DPP6: variants seen among roughly 807,000 people sequenced by gnomAD.
DPP6 encodes dipeptidyl peptidase like 6.
DPP6 carries 69 observed loss-of-function variants against 122.6 expected under a neutral mutation model. The ratio of observed to expected loss-of-function variants is 0.56; its 90% CI spans 0.46 to 0.69. DPP6 has a LOEUF of 0.69. Among genes scored for constraint, DPP6 ranks in the 30% least tolerant of loss-of-function variants. The pLI is 0.00. For synonymous variants in DPP6, 418 were observed against 433.1 expected (o/e 0.97, Z 0.43); for missense variants, 928 against 1,116.9 (o/e 0.83, Z 2.41).
At chr7:154,740,693 T>G (rs1842777389) in intron 8 of DPP6, among the ~76,000 whole-genome samples, 1 of 152,220 alleles carries the variant, frequency 6.6e-6, no homozygotes, top group African/African-American at 2.4e-5. Flanking sequence ...TTCTCGGTTT[T>G]ACTTAGTAAA....
At chr7:154,702,687 T>C (rs575268104) in intron 7 of DPP6, among the ~76,000 whole-genome samples, 2 of 152,178 alleles carry the variant, frequency 1.3e-5, no homozygotes, top group Non-Finnish European at 2.9e-5. Flanking sequence ...CAGAGGGTGG[T>C]TCATGAGGCT....
At chr7:153,753,420 T>A in the DPP6 span, among the ~76,000 whole-genome samples, 17 of 152,180 alleles carry the variant, frequency 1.1e-4, no homozygotes, top group East Asian at 3.3e-3. Flanking sequence ...TTAGGATCAA[T>A]ATAACAGATT....
chr7:154,605,160 T>G (rs1833548433), intron 5 of DPP6, among the ~76,000 whole-genome samples: 1 of 120,126 alleles, frequency 8.3e-6, no homozygotes, highest in African/African-American at 2.6e-5. Flanking sequence ...TTGTTCCTTT[T>G]TGTTTAATCT....
At chr7:154,708,823 G>A (rs952839838) in intron 7 of DPP6, among the ~76,000 whole-genome samples, 11 of 152,132 alleles carry the variant, frequency 7.2e-5, no homozygotes, top group Admixed American at 4.6e-4. Flanking sequence ...AGAGACAGAC[G>A]GAATACCTGA....
At chr7:154,203,484 G>A (rs1435830037) in intron 1 of DPP6, among the ~76,000 whole-genome samples, 5 of 152,130 alleles carry the variant, frequency 3.3e-5, no homozygotes, top group Non-Finnish European at 5.9e-5. Flanking sequence ...CTGTGCTTAC[G>A]GACTGGGCTC....
chr7:154,043,226 C>T (rs985628959), intron 1 of DPP6, among the ~76,000 whole-genome samples: 1 of 151,630 alleles, frequency 6.6e-6, no homozygotes, highest in Non-Finnish European at 1.5e-5. Flanking sequence ...CGTCTCTACC[C>T]CAGCTAAAAA....
chr7:154,806,886 G>A, intron 15 of DPP6, 108 bp from the exon 16 acceptor site: 1 of 1,450,230 alleles, frequency 6.9e-7, no homozygotes, highest in South Asian at 1.4e-5. Flanking sequence ...GTCTGTAGCA[G>A]GGCTCCGCAG....
chr7:153,973,632 C>CGT (rs773321136), intron 1 of DPP6, among the ~76,000 whole-genome samples: 4,638 of 113,358 alleles, frequency 0.041, 163 homozygotes, highest in East Asian at 0.14. Context: ...CACCATCGCT[C>CGT]GTGTGTGTGT....
At chr7:154,436,732 G>A (rs961169500) in intron 1 of DPP6, among the ~76,000 whole-genome samples, 1 of 152,096 alleles carries the variant, frequency 6.6e-6, no homozygotes, top group Non-Finnish European at 1.5e-5. Flanking sequence ...CCAGTACCCC[G>A]CAGCTCCTGT....
chr7:154,521,302 C>A (rs1445220735), intron 3 of DPP6, among the ~76,000 whole-genome samples: 4 of 151,576 alleles, frequency 2.6e-5, no homozygotes, highest in South Asian at 4.2e-4. Flanking sequence ...TCTATATTTT[C>A]TTTTATGTTA....
intron 6 of DPP6, among the ~76,000 whole-genome samples, chr7:154,644,840 G>C (rs2873106): frequency 0.14 from 21,801 of 151,286 alleles, 1,789 homozygotes; most frequent in African/African-American, 0.23. Flanking sequence ...TCCTGAGTAG[G>C]TGTGACTGCA....
At chr7:154,521,754 T>A (rs1826999654) in intron 3 of DPP6, among the ~76,000 whole-genome samples, 1 of 152,212 alleles carries the variant, frequency 6.6e-6, no homozygotes, top group Admixed American at 6.5e-5. Flanking sequence ...TGGTATCATT[T>A]TACCGTAGTT....
intron 1 of DPP6, among the ~76,000 whole-genome samples, chr7:154,376,089 A>G (rs1813105814): frequency 6.6e-6 from 1 of 152,218 alleles, no homozygotes. Flanking sequence ...ACTTAGCCAG[A>G]CAGCACACGG....
At chr7:154,769,804 G>C (rs1046657442) in intron 9 of DPP6, among the ~76,000 whole-genome samples, 1 of 152,102 alleles carries the variant, frequency 6.6e-6, no homozygotes, top group Non-Finnish European at 1.5e-5. Context: ...ACCTGACTCA[G>C]CTTCACTGAA....
intron 7 of DPP6, among the ~76,000 whole-genome samples, chr7:154,670,255 T>C (rs12719718): frequency 0.37 from 56,352 of 152,082 alleles, 10,983 homozygotes; most frequent in Non-Finnish European, 0.44. Context: ...CATTGCAGCC[T>C]TCTCGGTTTC....
rs189513713 is a variant in DPP6 at position 154,556,114 on chromosome 7, C to T, written c.553-10728C>T. ...TACCTGCAGTGAAAACACACAAGAA[C>T]GACGTTATATTCAACTCAATGACAA... On this transcript the variant is annotated intron_variant, in intron 4 of 25. Transcript: ENST00000377770. Among the ~76,000 whole-genome samples the T allele has an allele frequency of 7.2e-5, 11 of 152,178 alleles. No homozygotes were observed. In the East Asian group the frequency reaches 1.2e-3, roughly 16 times the overall value.
intron 1 of DPP6, chr7:153,968,767 C>T (rs866771844): frequency 3.3e-5 from 5 of 151,540 alleles, no homozygotes; most frequent in East Asian, 1.9e-4. Flanking sequence ...CTCATGCCTC[C>T]GTGTATTCCT....
intron 1 of DPP6, among the ~76,000 whole-genome samples, chr7:154,200,783 A>T (rs1799130178): frequency 1.3e-5 from 2 of 152,200 alleles, no homozygotes; most frequent in African/African-American, 4.8e-5. Context: ...CAAGGTAGCA[A>T]AGTGTCTAAC....
intron 5 of DPP6, among the ~76,000 whole-genome samples, chr7:154,621,421 G>A (rs572950405): frequency 6.6e-6 from 1 of 152,034 alleles, no homozygotes; most frequent in Middle Eastern, 3.2e-3. Context: ...CAGGCTAGAG[G>A]GCAGTGGTGC....
Sources: gnomAD v4.1 joint callset for allele counts (sites outside exome capture counted in the v4.1 genomes callset) on GRCh38, gnomAD v4.1.1 for gene constraint, MANE v1.5 for transcripts, NCBI Gene and HGNC (gene_info 2026-07-23, HGNC 2026-07-21) for gene names.